THEMIS: variants seen among roughly 807,000 people sequenced by gnomAD.
THEMIS encodes protein THEMIS.
Under a neutral mutation model 52.6 loss-of-function variants are expected in THEMIS, and 37 were observed. That is an observed-to-expected ratio of 0.70 (90% CI 0.54 to 0.93). The LOEUF (loss-of-function observed/expected upper bound fraction) is 0.93, where lower values mean the gene tolerates loss of function less well. Among genes scored for constraint, THEMIS ranks in the 40% least tolerant of loss-of-function variants. The pLI is 0.00. For synonymous variants in THEMIS, 292 were observed against 272.7 expected (o/e 1.07, Z -0.70); for missense variants, 808 against 763.1 (o/e 1.06, Z -0.69).
At chr6:127,765,799 T>TA (rs929993749) in intron 4 of THEMIS, among the ~76,000 whole-genome samples, 6 of 152,140 alleles carry the variant, frequency 3.9e-5, no homozygotes, top group Non-Finnish European at 8.8e-5. Flanking sequence ...CCTAGATGTG[T>TA]AGTAGGCTAT....
intron 1 of THEMIS, among the ~76,000 whole-genome samples, chr6:127,887,486 A>C (rs2114456141): frequency 6.6e-6 from 1 of 152,286 alleles, no homozygotes; most frequent in African/African-American, 2.4e-5. Context: ...TGTTAAACGA[A>C]ATGTGGTATA....
chr6:127,766,145 T>G (rs1776191795), intron 4 of THEMIS, among the ~76,000 whole-genome samples: 1 of 152,150 alleles, frequency 6.6e-6, no homozygotes, highest in Admixed American at 6.6e-5. Context: ...CCATGGTGCC[T>G]TAATATCACA....
chr6:127,717,849 G>A (rs1255429740), intron 5 of THEMIS, among the ~76,000 whole-genome samples: 1 of 150,194 alleles, frequency 6.7e-6, no homozygotes, highest in Admixed American at 6.7e-5. Flanking sequence ...TCAGTGATAT[G>A]CTACAAAGTC....
In THEMIS at chr6:127,813,036, G is replaced by T. The variant is rs955802786; in HGVS notation, c.1605C>A (p.Ile535=). ...PFLVRTLVEE[I]TEEQYYMMRR... ...GCATCATGTAATATTGCTCTTCAGT[G>T]ATCTCTTCTACCAGAGTCCTGACTA... The change falls in exon 4 of 6, where the codon ATC becomes ATA. Residue 535 remains isoleucine, a synonymous_variant. Transcript: ENST00000368248. 1 of 1,614,096 alleles carries T rather than the reference G, an allele frequency of 6.2e-7. No individual in the cohort carries two copies. The highest frequency in any genetic ancestry group is 8.5e-7 in the Non-Finnish European group (1 of 1,180,014).
chr6:127,802,722 A>G (rs572967606), intron 4 of THEMIS, among the ~76,000 whole-genome samples: 1 of 152,324 alleles, frequency 6.6e-6, no homozygotes, highest in Non-Finnish European at 1.5e-5. Flanking sequence ...CCCTTGAATG[A>G]AGGGGAGGCC....
At chr6:127,699,987 A>G in the THEMIS span, among the ~76,000 whole-genome samples, 1 of 151,846 alleles carries the variant, frequency 6.6e-6, no homozygotes, top group Non-Finnish European at 1.5e-5. Flanking sequence ...ACTGTGTTTT[A>G]ACAGACTATT....
chr6:127,740,695 G>A (rs1775173513), intron 4 of THEMIS, among the ~76,000 whole-genome samples: 1 of 152,134 alleles, frequency 6.6e-6, no homozygotes. Flanking sequence ...CTGTGGAGAA[G>A]AAGAGAATTT....
intron 1 of THEMIS, among the ~76,000 whole-genome samples, chr6:127,884,383 G>A (rs1021132744): frequency 3.9e-5 from 6 of 152,108 alleles, no homozygotes; most frequent in African/African-American, 1.4e-4. Flanking sequence ...GCTATCTAAT[G>A]TTCATTTGCA....
chr6:127,756,517 G>A (rs1397433405), intron 4 of THEMIS, among the ~76,000 whole-genome samples: 5 of 152,134 alleles, frequency 3.3e-5, no homozygotes, highest in Admixed American at 1.3e-4. Flanking sequence ...ACTTTGAACT[G>A]AAGCTTTTTT....
intron 1 of THEMIS, among the ~76,000 whole-genome samples, chr6:127,885,930 G>T (rs1780630928): frequency 6.6e-6 from 1 of 151,996 alleles, no homozygotes; most frequent in Admixed American, 6.6e-5. Context: ...ACTAGATTAG[G>T]TGGTTTTGGC....
At chr6:127,788,552 C>T (rs1399070257) in intron 4 of THEMIS, among the ~76,000 whole-genome samples, 1 of 152,190 alleles carries the variant, frequency 6.6e-6, no homozygotes, top group African/African-American at 2.4e-5. Flanking sequence ...TGAGAGTATT[C>T]ATTTACGGAC....
chr6:127,777,782 T>A (rs1776613971), intron 4 of THEMIS, among the ~76,000 whole-genome samples: 1 of 152,172 alleles, frequency 6.6e-6, no homozygotes, highest in Non-Finnish European at 1.5e-5. Flanking sequence ...TTATTATTTT[T>A]AAAACACCAT....
At position 127,722,954 on chromosome 6, in the gene THEMIS, T is replaced by C. The variant is rs986721198; in HGVS notation, c.1759-3131A>G. On this transcript the variant is annotated intron_variant, in intron 4 of 5. Transcript: ENST00000368248. ...TTACTACAAATGAACTTCTCATTTT[T>C]TCTACCTCATGCTTTCAGTCCCAAG... Among the ~76,000 whole-genome samples, 4 of 152,042 alleles carry C rather than the reference T, an allele frequency of 2.6e-5. No individual in the cohort carries two copies. The East Asian group carries it at 7.7e-4, about 29-fold the overall frequency.
At chr6:127,862,718 C>A (rs909738880) in intron 1 of THEMIS, among the ~76,000 whole-genome samples, 7 of 151,594 alleles carry the variant, frequency 4.6e-5, no homozygotes, top group Non-Finnish European at 8.9e-5. Flanking sequence ...CCCCACCCAG[C>A]CCCAGGAGAT....
At chr6:127,774,331 G>C (rs567973210) in intron 4 of THEMIS, among the ~76,000 whole-genome samples, 1 of 152,110 alleles carries the variant, frequency 6.6e-6, no homozygotes, top group African/African-American at 2.4e-5. Context: ...TCAGCCTCCC[G>C]AGTAGCTGGG....
intron 4 of THEMIS, among the ~76,000 whole-genome samples, chr6:127,807,725 A>C (rs932211537): frequency 2.0e-5 from 3 of 152,232 alleles, no homozygotes; most frequent in Non-Finnish European, 4.4e-5. Flanking sequence ...ATACTACATC[A>C]GGTTAACAAA....
In THEMIS at chr6:127,845,167, G is replaced by C. The variant is rs980800655; in HGVS notation, c.250+9863C>G. Among the ~76,000 whole-genome samples the C allele has an allele frequency of 2.6e-5, 4 of 151,790 alleles. No individual in the cohort carries two copies. In the East Asian group the frequency reaches 5.9e-4, roughly 22 times the overall value. On this transcript the variant is annotated intron_variant, in intron 2 of 5. Transcript: ENST00000368248. ...CATTTGCTGAAGCTGCATCTACAAA[G>C]CTATGTTTATTGGTCAAAGGCTGGG...
At position 127,861,672 on chromosome 6, in the gene THEMIS, A is replaced by T. The variant is rs1167362887; in HGVS notation, c.92-6484T>A. ...GTGGTGGGTGCCTGTAATCCCAGCTACCTGGGGAGGCTGAGGCAGGAGAAT... is the reference window on the plus strand; with the variant it reads ...GTGGTGGGTGCCTGTAATCCCAGCTTCCTGGGGAGGCTGAGGCAGGAGAAT... On this transcript the variant is annotated intron_variant, in intron 1 of 5. Coordinates refer to ENST00000368248, the MANE Select transcript of THEMIS (RefSeq NM_001010923.3). Among the ~76,000 whole-genome samples the T allele has an allele frequency of 4.0e-5, 6 of 151,208 alleles. No individual in the cohort carries two copies. In the East Asian group the frequency reaches 9.8e-4, roughly 25 times the overall value.
chr6:127,810,809 ATCT>A (rs962306539), intron 4 of THEMIS, among the ~76,000 whole-genome samples: 1 of 152,096 alleles, frequency 6.6e-6, no homozygotes, highest in Non-Finnish European at 1.5e-5. Flanking sequence ...CAAAGAGATT[ATCT>A]TCTTCTCTAG....
Sources: gnomAD v4.1 joint callset for allele counts (sites outside exome capture counted in the v4.1 genomes callset) on GRCh38, gnomAD v4.1.1 for gene constraint, MANE v1.5 for transcripts, NCBI Gene and HGNC (gene_info 2026-07-23, HGNC 2026-07-21) for gene names.